Variants in CLTCL1 observed in about 807,000 individuals in gnomAD.
CLTCL1 encodes the protein clathrin heavy chain 2.
A neutral mutation model predicts 190.0 loss-of-function variants in CLTCL1; 159 were observed. That is an observed-to-expected ratio of 0.84 (90% confidence interval 0.74 to 0.95). CLTCL1 has a LOEUF of 0.95. Among genes scored for constraint, CLTCL1 ranks in the 40% least tolerant of loss-of-function variants. The pLI, the probability that CLTCL1 is intolerant of heterozygous loss-of-function variation, is 0.00. For missense variants in CLTCL1, 1,878 were observed against 2,033.4 expected (o/e 0.92, Z 1.47); for synonymous variants, 752 against 769.6 (o/e 0.98, Z 0.38).
At chr22:19,189,906 G>C (rs921337289) in intron 27 of CLTCL1, among the ~76,000 whole-genome samples, 2 of 152,128 alleles carry the variant, frequency 1.3e-5, no homozygotes, top group Non-Finnish European at 2.9e-5. Flanking sequence ...TTTGTGTTGG[G>C]AACATTTCAA....
intron 3 of CLTCL1, among the ~76,000 whole-genome samples, chr22:19,246,199 A>C (rs965905777): frequency 6.6e-6 from 1 of 151,826 alleles, no homozygotes; most frequent in Non-Finnish European, 1.5e-5. Flanking sequence ...AGCTGGGACT[A>C]CAGGCGCCTG....
intron 7 of CLTCL1, 108 bp from the exon 8 acceptor site, chr22:19,233,730 G>A: frequency 1.0e-6 from 1 of 956,214 alleles, no homozygotes; most frequent in Non-Finnish European, 1.6e-6. Flanking sequence ...ATTCCACACT[G>A]CTCTGTCATA....
intron 31 of CLTCL1, 85 bp from the exon 32 acceptor site, chr22:19,180,323 C>G: frequency 2.1e-6 from 3 of 1,402,480 alleles, no homozygotes; most frequent in Non-Finnish European, 2.0e-6. Flanking sequence ...ACACTCACAC[C>G]ACACCCTCAG....
Position 19,239,258 on chromosome 22 carries a change from G to C in CLTCL1, c.795+17C>G. 1 of 1,556,906 alleles carries C rather than the reference G, an allele frequency of 6.4e-7. No individual in the cohort carries two copies. Among genetic ancestry groups the C allele is most frequent in the Non-Finnish European group, 8.9e-7 (1 of 1,127,704 alleles). On this transcript the variant is annotated intron_variant, in intron 5 of 32. Transcript: ENST00000427926. ...ATTTTAGGACATGAAGATGTTTAGA[G>C]AGCAGCACATTCGTACCTGCATAGC...
At chr22:19,221,830 C>T (rs1287372898) in intron 16 of CLTCL1, 121 bp downstream of exon 16, 1 of 1,148,930 alleles carries the variant, frequency 8.7e-7, no homozygotes, top group African/African-American at 1.5e-5. Flanking sequence ...TAACTCATTG[C>T]TACATCTAAG....
At chr22:19,237,370 C>A (rs187969101) in intron 5 of CLTCL1, among the ~76,000 whole-genome samples, 12 of 152,086 alleles carry the variant, frequency 7.9e-5, no homozygotes, top group Non-Finnish European at 1.2e-4. Context: ...GGCAATTAAC[C>A]GGATACATAT....
intron 2 of CLTCL1, among the ~76,000 whole-genome samples, chr22:19,259,435 G>A (rs116510881): frequency 2.1e-3 from 324 of 152,180 alleles, no homozygotes; most frequent in African/African-American, 7.3e-3. Flanking sequence ...AAAGGTTTGC[G>A]GCAATCTTCC....
intron 10 of CLTCL1, among the ~76,000 whole-genome samples, chr22:19,231,916 C>T (rs987201935): frequency 6.6e-6 from 1 of 152,192 alleles, no homozygotes; most frequent in Non-Finnish European, 1.5e-5. Context: ...TATTTCTAAA[C>T]AGTTGTTGGT....
intron 24 of CLTCL1, among the ~76,000 whole-genome samples, chr22:19,197,155 A>G (rs1349059228): frequency 1.3e-5 from 2 of 152,126 alleles, no homozygotes; most frequent in African/African-American, 4.8e-5. Flanking sequence ...GTCTGGTTAC[A>G]GCCTGCTCAG....
At chr22:19,188,614 CTTTT>C (rs1195452293) in intron 27 of CLTCL1, among the ~76,000 whole-genome samples, 1 of 137,032 alleles carries the variant, frequency 7.3e-6, no homozygotes, top group Non-Finnish European at 1.6e-5. Context: ...ATTTCTTTTT[CTTTT>C]TTTTTTTTTT....
intron 26 of CLTCL1, among the ~76,000 whole-genome samples, chr22:19,195,413 C>G (rs1371405547): frequency 6.6e-6 from 1 of 152,182 alleles, no homozygotes; most frequent in East Asian, 1.9e-4. Context: ...AAGGCAGAGG[C>G]TGAAGGCCTC....
At chr22:19,188,169 G>A (rs551008251) in intron 27 of CLTCL1, 78 bp from the exon 28 acceptor site, 111 of 1,284,608 alleles carry the variant, frequency 8.6e-5, no homozygotes, top group Middle Eastern at 1.9e-4. Context: ...AGGTGGGCAC[G>A]TGCGTGCCAT....
chr22:19,233,612 C>A lies in CLTCL1; in HGVS notation c.1178G>T (p.Arg393Leu), dbSNP rs115841408. The change falls in exon 8 of 33, where the codon CGT becomes CTT. Residue 393 changes from arginine to leucine, a missense_variant. Arg to Leu is a moderately radical substitution (Grantham distance 102). Coordinates refer to ENST00000427926, the MANE Select transcript of CLTCL1 (RefSeq NM_007098.4). ...GAATTTCTGGACCGTCTCTCTGGTA[C>A]GCAGGATTCCCTAATAATAAATGGA... ...VAASAPKGIL[R>L]TRETVQKFQS... 3.1e-6 allele frequency: 5 copies of A among 1,612,948 alleles called. No individual in the cohort carries two copies. Among genetic ancestry groups the A allele is most frequent in the East Asian group, 2.2e-5 (1 of 44,892 alleles).
intron 29 of CLTCL1, among the ~76,000 whole-genome samples, chr22:19,185,745 C>T (rs987135173): frequency 2.6e-5 from 4 of 152,228 alleles, no homozygotes; most frequent in Non-Finnish European, 5.9e-5. Flanking sequence ...TGGCCCTGCT[C>T]ACTCATCACT....
chr22:19,202,599 C>T (rs548067891), intron 22 of CLTCL1, among the ~76,000 whole-genome samples: 1 of 150,422 alleles, frequency 6.6e-6, no homozygotes, highest in East Asian at 2.0e-4. Flanking sequence ...CCCCTCCTTC[C>T]GTCATCCATG....
At chr22:19,281,608 T>C (rs1312660708) in intron 1 of CLTCL1, among the ~76,000 whole-genome samples, 1 of 152,204 alleles carries the variant, frequency 6.6e-6, no homozygotes, top group Non-Finnish European at 1.5e-5. Flanking sequence ...TTCTTGGTCT[T>C]GTCTACCTAT....
intron 2 of CLTCL1, among the ~76,000 whole-genome samples, chr22:19,268,643 C>T (rs1282345269): frequency 3.3e-5 from 5 of 151,980 alleles, no homozygotes; most frequent in African/African-American, 1.2e-4. Flanking sequence ...CAAATTAAAA[C>T]TGCAAAATGC....
At chr22:19,190,323 G>A (rs1199702108) in intron 27 of CLTCL1, among the ~76,000 whole-genome samples, 1 of 152,162 alleles carries the variant, frequency 6.6e-6, no homozygotes, top group Non-Finnish European at 1.5e-5. Context: ...AAAGGAAGAG[G>A]GACCAGGGCA....
In CLTCL1 at chr22:19,233,628, A is replaced by C; in HGVS notation, c.1168-6T>G. ...TCTCTGGTACGCAGGATTCCCTAAT[A>C]ATAAATGGAAAAATAGGTCATTGTG... On this transcript the variant is annotated splice_polypyrimidine_tract_variant and splice_region_variant and intron_variant, in intron 7 of 32. Transcript: ENST00000427926. The C allele has an allele frequency of 1.9e-6, 3 of 1,611,914 alleles. No individual in the cohort carries two copies. Among genetic ancestry groups the C allele is most frequent in the Middle Eastern group, 1.9e-4 (1 of 5,300 alleles).
Sources: gnomAD v4.1 joint callset for allele counts (sites outside exome capture counted in the v4.1 genomes callset) on GRCh38, gnomAD v4.1.1 for gene constraint, MANE v1.5 for transcripts, NCBI Gene and HGNC (gene_info 2026-07-23, HGNC 2026-07-21) for gene names.